Variants in TAFA5 observed in about 807,000 individuals in gnomAD.
The protein encoded by TAFA5 is TAFA chemokine like family member 5, also known as chemokine-like protein TAFA-5.
In TAFA5, 6 loss-of-function variants were observed where a neutral mutation model predicts 15.3. The ratio of observed to expected loss-of-function variants is 0.39; its 90% CI spans 0.21 to 0.77. TAFA5 has a LOEUF of 0.77. TAFA5 is among the 30% of genes least tolerant of loss of function. The pLI is 0.41. For synonymous variants in TAFA5, 103 were observed against 80.7 expected (o/e 1.28, Z -1.48); for missense variants, 161 against 193.1 (o/e 0.83, Z 0.98).
chr22:48,492,369 C>G (rs566202047), intron 1 of TAFA5, among the ~76,000 whole-genome samples: 1 of 152,300 alleles, frequency 6.6e-6, no homozygotes, highest in African/African-American at 2.4e-5. Context: ...GTTCAATTAT[C>G]CTGCCTATTA....
chr22:48,634,120 G>GCTCACTCACTCACTCGCTCA (rs1926348428), intron 1 of TAFA5, among the ~76,000 whole-genome samples: 1 of 150,742 alleles, frequency 6.6e-6, no homozygotes, highest in East Asian at 2.0e-4. Context: ...TCACTCACTC[G>GCTCACTCACTCACTCGCTCA]CTCACTCACT....
intron 1 of TAFA5, among the ~76,000 whole-genome samples, chr22:48,606,704 G>C (rs768908566): frequency 2.6e-5 from 4 of 152,222 alleles, no homozygotes; most frequent in Non-Finnish European, 5.9e-5. Flanking sequence ...ATTCAGCCTG[G>C]ATTAGCGATC....
At chr22:48,661,866 AC>A (rs1383279662) in intron 2 of TAFA5, among the ~76,000 whole-genome samples, 2 of 150,876 alleles carry the variant, frequency 1.3e-5, no homozygotes, top group Non-Finnish European at 2.9e-5. Context: ...GGTGATGGTG[AC>A]TGGGGGCTCA....
At chr22:48,500,490 G>A (rs1920945929) in intron 1 of TAFA5, among the ~76,000 whole-genome samples, 1 of 152,364 alleles carries the variant, frequency 6.6e-6, no homozygotes, top group South Asian at 2.1e-4. Context: ...AGGTGTCCCT[G>A]AGCACACAGT....
At chr22:48,681,814 T>TGGA (rs1215975061) in intron 2 of TAFA5, among the ~76,000 whole-genome samples, 1 of 122,460 alleles carries the variant, frequency 8.2e-6, no homozygotes, top group Non-Finnish European at 2.0e-5. Context: ...TGGGGTGTTG[T>TGGA]CCACATGTAG....
At position 48,637,218 on chromosome 22, in the gene TAFA5, CTGTG is replaced by C. The variant is rs1926482070; in HGVS notation, c.113-9375_113-9372del. Among the ~76,000 whole-genome samples, 3 of 152,156 alleles carry C rather than the reference CTGTG, an allele frequency of 2.0e-5. No individual in the cohort carries two copies. In the South Asian group the frequency reaches 6.2e-4, roughly 32 times the overall value. On this transcript the variant is annotated intron_variant, in intron 1 of 3. Transcript: ENST00000402357. ...CAGGGCCGTGGCTCCTGGTGCGTGC[CTGTG>C]TGTAAGGATCTGTGTGCATGCGTGT...
At chr22:48,553,035 G>A (rs1028538678) in intron 1 of TAFA5, among the ~76,000 whole-genome samples, 9 of 152,044 alleles carry the variant, frequency 5.9e-5, no homozygotes, top group South Asian at 2.1e-4. Flanking sequence ...CTTTCACCCC[G>A]AGAGCCCACC....
intron 2 of TAFA5, among the ~76,000 whole-genome samples, chr22:48,670,359 G>C (rs1927763565): frequency 6.6e-6 from 1 of 152,204 alleles, no homozygotes; most frequent in Non-Finnish European, 1.5e-5. Context: ...TTTAATGAAG[G>C]CTCTTGCTGG....
intron 1 of TAFA5, among the ~76,000 whole-genome samples, chr22:48,634,112 A>ACTCGCTCG (rs1926346886): frequency 1.1e-5 from 1 of 88,054 alleles, no homozygotes; most frequent in Non-Finnish European, 2.2e-5. Context: ...CTTGACGTTC[A>ACTCGCTCG]CTCACTCGCT....
intron 2 of TAFA5, chr22:48,693,261 C>T: frequency 6.4e-7 from 1 of 1,558,172 alleles, no homozygotes; most frequent in Non-Finnish European, 8.7e-7. Context: ...TGAAAATGCT[C>T]AGACCTTTTC....
intron 2 of TAFA5, among the ~76,000 whole-genome samples, chr22:48,657,071 C>G (rs544533584): frequency 6.6e-6 from 1 of 152,212 alleles, no homozygotes; most frequent in African/African-American, 2.4e-5. Flanking sequence ...GCCCACCCAG[C>G]AGGTTAGTTC....
chr22:48,511,582 C>CT (rs1921212975), intron 1 of TAFA5, among the ~76,000 whole-genome samples: 1 of 152,198 alleles, frequency 6.6e-6, no homozygotes, highest in Non-Finnish European at 1.5e-5. Context: ...AGACAAAACT[C>CT]TGTGTTTTCT....
At chr22:48,698,012 G>A (rs1048331295) in intron 2 of TAFA5, among the ~76,000 whole-genome samples, 3 of 151,580 alleles carry the variant, frequency 2.0e-5, no homozygotes, top group South Asian at 2.1e-4. Context: ...ATGATGGTGC[G>A]ACGATGATGG....
intron 1 of TAFA5, among the ~76,000 whole-genome samples, chr22:48,626,987 G>A (rs142653018): frequency 6.6e-6 from 1 of 152,284 alleles, no homozygotes; most frequent in East Asian, 1.9e-4. Flanking sequence ...GGTTTGTGTG[G>A]GCTCCGTGGA....
At chr22:48,507,942 C>T (rs1188188621) in intron 1 of TAFA5, among the ~76,000 whole-genome samples, 3 of 152,132 alleles carry the variant, frequency 2.0e-5, no homozygotes, top group Non-Finnish European at 2.9e-5. Flanking sequence ...AGCTGCTGGG[C>T]CTCAGTGTCC....
At chr22:48,562,391 GC>G (rs1923265473) in intron 1 of TAFA5, among the ~76,000 whole-genome samples, 1 of 152,204 alleles carries the variant, frequency 6.6e-6, no homozygotes, top group African/African-American at 2.4e-5. Context: ...GCCTGCCTCG[GC>G]CTCCCAAAGT....
intron 3 of TAFA5, among the ~76,000 whole-genome samples, chr22:48,718,839 G>C (rs983576166): frequency 6.6e-6 from 1 of 152,092 alleles, no homozygotes; most frequent in African/African-American, 2.4e-5. Context: ...TCCTGCACCA[G>C]GCTTGCCCTG....
intron 2 of TAFA5, among the ~76,000 whole-genome samples, chr22:48,659,125 C>T (rs1395469394): frequency 6.6e-6 from 1 of 152,264 alleles, no homozygotes. Context: ...ATCCAGCATT[C>T]TTCCTGGCCT....
At position 48,707,926 on chromosome 22, in the gene TAFA5, G is replaced by A. The variant is rs1041489512; in HGVS notation, c.390+82G>A. On this transcript the variant is annotated intron_variant, in intron 3 of 3. Transcript: ENST00000402357. Reference sequence around the variant, plus strand: ...GCCTCCGACGCCACCCGGGCTCCGCGGGGACAGGTGGCAGCTGCTCACTCC... The same window carrying A: ...GCCTCCGACGCCACCCGGGCTCCGCAGGGACAGGTGGCAGCTGCTCACTCC... 12 of 1,528,900 alleles carry A rather than the reference G, an allele frequency of 7.8e-6. No individual in the cohort carries two copies. The African/African-American group carries it at 8.2e-5, about 10-fold the overall frequency. 94.7% of individuals were successfully genotyped at this position (1,528,900 alleles called of 1,614,324 possible).
Sources: allele counts gnomAD v4.1 joint callset (sites outside exome capture counted in the v4.1 genomes callset), GRCh38; gene constraint gnomAD v4.1.1; transcripts MANE v1.5; gene names NCBI Gene and HGNC (gene_info 2026-07-23, HGNC 2026-07-21).